NCAM1: variants seen among roughly 807,000 people sequenced by gnomAD.
NCAM1 encodes the protein neural cell adhesion molecule 1, also known as antigen recognized by monoclonal antibody 5.1H11.
Under a neutral mutation model 109.8 loss-of-function variants are expected in NCAM1, and 14 were observed. That is an observed-to-expected ratio of 0.13 (90% CI 0.08 to 0.20). The LOEUF is 0.20. Among genes scored for constraint, NCAM1 ranks in the 10% least tolerant of loss-of-function variants. The pLI, the probability that NCAM1 is intolerant of heterozygous loss-of-function variation, is 1.00. For missense variants in NCAM1, 774 were observed against 1,109.9 expected (o/e 0.70, Z 4.30); for synonymous variants, 418 against 442.9 (o/e 0.94, Z 0.70).
intron 1 of NCAM1, among the ~76,000 whole-genome samples, chr11:112,999,460 CTA>C (rs1951687053): frequency 6.6e-6 from 1 of 151,970 alleles, no homozygotes; most frequent in Non-Finnish European, 1.5e-5. Flanking sequence ...TTGAAAAAAA[CTA>C]TTTAAAATAT....
chr11:113,252,801 T>A (rs1379295122), intron 15 of NCAM1, among the ~76,000 whole-genome samples: 3 of 82,412 alleles, frequency 3.6e-5, no homozygotes, highest in African/African-American at 1.1e-4. Flanking sequence ...ATGCCCAGCT[T>A]TTTTTTTTTT....
chr11:113,183,957 AG>A (rs1202829567), intron 1 of NCAM1, among the ~76,000 whole-genome samples: 6 of 152,250 alleles, frequency 3.9e-5, no homozygotes, highest in Non-Finnish European at 8.8e-5. Flanking sequence ...GGCAATGTCT[AG>A]GGAGTATGTA....
intron 1 of NCAM1, among the ~76,000 whole-genome samples, chr11:112,964,262 T>A (rs1950669894): frequency 6.6e-6 from 1 of 151,206 alleles, no homozygotes; most frequent in African/African-American, 2.4e-5. Context: ...CTAACCTTAA[T>A]ACGTCAAGTG....
chr11:113,017,282 T>C (rs549822643), intron 1 of NCAM1, among the ~76,000 whole-genome samples: 1 of 152,336 alleles, frequency 6.6e-6, no homozygotes, highest in South Asian at 2.1e-4. Context: ...ACAGTTATTA[T>C]ACAATACACT....
At chr11:113,000,817 CATAT>C (rs375984527) in intron 1 of NCAM1, among the ~76,000 whole-genome samples, 40,438 of 129,396 alleles carry the variant, frequency 0.31, 6,340 homozygotes, top group East Asian at 0.49. Flanking sequence ...ATTATATATA[CATAT>C]ATATATATAT....
chr11:113,051,019 C>T lies in NCAM1; in HGVS notation c.52+89355C>T, dbSNP rs139634160. Among the ~76,000 whole-genome samples, 1,225 of 152,282 alleles carry T rather than the reference C, an allele frequency of 8.0e-3. 14 individuals are homozygous for T. The highest frequency in any genetic ancestry group is 0.015 in the Admixed American group (223 of 15,298). ...TCCTCCAATTTCATGTCACAATGTACAGCATACAACACACTGCTATAGGGA... is the reference window on the plus strand; with the variant it reads ...TCCTCCAATTTCATGTCACAATGTATAGCATACAACACACTGCTATAGGGA... On this transcript the variant is annotated intron_variant, in intron 1 of 19. Transcript: ENST00000316851.
intron 1 of NCAM1, among the ~76,000 whole-genome samples, chr11:113,090,128 T>C (rs901850863): frequency 1.3e-5 from 2 of 152,198 alleles, no homozygotes; most frequent in Non-Finnish European, 2.9e-5. Flanking sequence ...AACTAGTAAT[T>C]ATGAGAAAAT....
intron 1 of NCAM1, among the ~76,000 whole-genome samples, chr11:113,108,224 G>T (rs1214086522): frequency 1.3e-5 from 2 of 152,094 alleles, no homozygotes; most frequent in African/African-American, 4.8e-5. Flanking sequence ...TGTAAAATGG[G>T]CTTAATTTAC....
At chr11:113,213,970 T>G (rs1489337693) in intron 7 of NCAM1, among the ~76,000 whole-genome samples, 1 of 152,156 alleles carries the variant, frequency 6.6e-6, no homozygotes, top group Non-Finnish European at 1.5e-5. Context: ...TTCATATGTT[T>G]TTGCTTCTTT....
At chr11:113,081,658 C>G (rs1938826097) in intron 1 of NCAM1, among the ~76,000 whole-genome samples, 1 of 152,006 alleles carries the variant, frequency 6.6e-6, no homozygotes, top group African/African-American at 2.4e-5. Flanking sequence ...CTCAGCCTCT[C>G]AAGTAGCTGA....
At chr11:112,972,910 G>A (rs1248401112) in intron 1 of NCAM1, among the ~76,000 whole-genome samples, 2 of 152,064 alleles carry the variant, frequency 1.3e-5, no homozygotes, top group Non-Finnish European at 2.9e-5. Flanking sequence ...CTTCCTGGGC[G>A]CATTGAACTA....
rs569280397 is a variant in NCAM1, at chr11:113,013,634, T to A, written c.52+51970T>A. On this transcript the variant is annotated intron_variant, in intron 1 of 19. Coordinates refer to ENST00000316851, the MANE Select transcript of NCAM1 (RefSeq NM_181351.5). ...TTCTTCCTCTATGGGAGATTTTTTTTAAATGGCTTAAACAGGTTTGACTCA... is the reference window on the plus strand; with the variant it reads ...TTCTTCCTCTATGGGAGATTTTTTTAAAATGGCTTAAACAGGTTTGACTCA... Among the ~76,000 whole-genome samples the A allele has an allele frequency of 1.5e-4, 23 of 152,262 alleles. No individual in the cohort carries two copies. In the East Asian group the frequency reaches 2.9e-3, roughly 19 times the overall value.
At chr11:112,988,325 C>T (rs1951364201) in intron 1 of NCAM1, among the ~76,000 whole-genome samples, 1 of 152,094 alleles carries the variant, frequency 6.6e-6, no homozygotes, top group African/African-American at 2.4e-5. Context: ...ATTTACACAC[C>T]ACCATTACAA....
At chr11:113,020,104 C>A (rs76456592) in intron 1 of NCAM1, among the ~76,000 whole-genome samples, 2 of 152,182 alleles carry the variant, frequency 1.3e-5, no homozygotes, top group South Asian at 4.1e-4. Context: ...CAGTCCTCAT[C>A]CCAGTTCACT....
At chr11:113,154,245 C>T (rs545101457) in intron 1 of NCAM1, among the ~76,000 whole-genome samples, 2 of 152,128 alleles carry the variant, frequency 1.3e-5, no homozygotes, top group Non-Finnish European at 2.9e-5. Context: ...TTGGCAATAA[C>T]GAATAATGAT....
intron 8 of NCAM1, among the ~76,000 whole-genome samples, chr11:113,215,146 C>T (rs1056862039): frequency 2.6e-5 from 4 of 152,186 alleles, no homozygotes; most frequent in Middle Eastern, 3.4e-3. Flanking sequence ...ATTAAAATGG[C>T]GGGAAAGATT....
At chr11:113,208,114 A>G in intron 7 of NCAM1, 112 bp downstream of exon 7, 2 of 1,263,900 alleles carry the variant, frequency 1.6e-6, no homozygotes, top group Non-Finnish European at 2.2e-6. Context: ...ACCCAATGCA[A>G]CCATTTCTTG....
chr11:113,009,313 T>TTTTTTTTTTGTTG (rs1565379589), intron 1 of NCAM1, among the ~76,000 whole-genome samples: 2 of 67,582 alleles, frequency 3.0e-5, no homozygotes, highest in Admixed American at 3.0e-4. Context: ...TTTTTTCGGG[T>TTTTTTTTTTGTTG]TTTTTTTTTT....
chr11:113,137,984 A>G (rs1379283020), intron 1 of NCAM1, among the ~76,000 whole-genome samples: 2 of 152,138 alleles, frequency 1.3e-5, no homozygotes, highest in Non-Finnish European at 2.9e-5. Flanking sequence ...AAATGCAGAC[A>G]TATCTAATTA....
Sources: gnomAD v4.1 joint callset for allele counts (sites outside exome capture counted in the v4.1 genomes callset) on GRCh38, gnomAD v4.1.1 for gene constraint, MANE v1.5 for transcripts, NCBI Gene and HGNC (gene_info 2026-07-23, HGNC 2026-07-21) for gene names.